The following SAMD3 variants were observed in gnomAD, a reference collection of about 807,000 sequenced individuals.
The protein encoded by SAMD3 is sterile alpha motif domain containing 3, also known as sterile alpha motif domain-containing protein 3.
In SAMD3, 63 loss-of-function variants were observed where a neutral mutation model predicts 58.5. The ratio of observed to expected loss-of-function variants is 1.08; its 90% CI spans 0.88 to 1.33. The LOEUF (loss-of-function observed/expected upper bound fraction) is 1.33. Ranked by LOEUF, SAMD3 falls within the 40% of genes most tolerant of loss-of-function variation. SAMD3 has a pLI of 0.00. For synonymous variants in SAMD3, 220 were observed against 210.3 expected, an observed-to-expected ratio of 1.05 and a Z score of -0.40; for missense variants, 604 against 608.4, an observed-to-expected ratio of 0.99 and a Z score of 0.08.
chr6:130,273,966 T>G (rs1378507783), intron 2 of SAMD3, among the ~76,000 whole-genome samples: 1 of 149,562 alleles, frequency 6.7e-6, no homozygotes, highest in Non-Finnish European at 1.5e-5. Flanking sequence ...GTTTATATAC[T>G]TAACTCTACA....
intron 4 of SAMD3, among the ~76,000 whole-genome samples, chr6:130,210,845 G>C (rs1795480665): frequency 6.6e-6 from 1 of 151,578 alleles, no homozygotes; most frequent in Non-Finnish European, 1.5e-5. Context: ...TATGGGCAAG[G>C]CATGGTAGCT....
At chr6:130,144,240 CA>C (rs757055017), downstream of SAMD3, 4 of 401,554 alleles carry the variant, frequency 1.0e-5, no homozygotes, top group African/African-American at 4.1e-5. Context: ...CAGTGTATTT[CA>C]AAAAAACTGA....
At chr6:130,174,100 T>C (rs1035204493) in intron 8 of SAMD3, among the ~76,000 whole-genome samples, 1 of 152,196 alleles carries the variant, frequency 6.6e-6, no homozygotes, top group African/African-American at 2.4e-5. Context: ...CCGTGGTTCT[T>C]AGCTTGCTGG....
chr6:130,232,365 G>T (rs563224741), intron 2 of SAMD3, among the ~76,000 whole-genome samples: 1 of 152,122 alleles, frequency 6.6e-6, no homozygotes, highest in Non-Finnish European at 1.5e-5. Flanking sequence ...TTCAGTTACC[G>T]TCAGTGTTAA....
chr6:130,244,945 A>T (rs1053079085), intron 2 of SAMD3, among the ~76,000 whole-genome samples: 2 of 152,134 alleles, frequency 1.3e-5, no homozygotes, highest in East Asian at 3.9e-4. Context: ...CTAGGGGAAC[A>T]TTGAAAAGAA....
At chr6:130,185,166 T>A (rs1379217032) in intron 5 of SAMD3, among the ~76,000 whole-genome samples, 2 of 152,110 alleles carry the variant, frequency 1.3e-5, no homozygotes, top group African/African-American at 4.8e-5. Context: ...TCCGATTCTA[T>A]CCAGATGAAA....
chr6:130,235,912 A>G (rs942348656), intron 2 of SAMD3, among the ~76,000 whole-genome samples: 2 of 152,202 alleles, frequency 1.3e-5, no homozygotes, highest in Non-Finnish European at 2.9e-5. Flanking sequence ...CACTATTGTT[A>G]TGTTCACTCT....
chr6:130,195,942 G>A (rs1794063135), intron 5 of SAMD3, among the ~76,000 whole-genome samples: 1 of 152,102 alleles, frequency 6.6e-6, no homozygotes, highest in Non-Finnish European at 1.5e-5. Context: ...AAACCTAGCT[G>A]ACCCCATAGA....
At chr6:130,251,306 AT>A (rs1212372889) in intron 2 of SAMD3, among the ~76,000 whole-genome samples, 1 of 152,144 alleles carries the variant, frequency 6.6e-6, no homozygotes, top group East Asian at 1.9e-4. Context: ...TGTAAGAGTT[AT>A]TTATACATTC....
At chr6:130,164,609 A>G (rs1790560192) in intron 8 of SAMD3, among the ~76,000 whole-genome samples, 1 of 152,014 alleles carries the variant, frequency 6.6e-6, no homozygotes, top group Non-Finnish European at 1.5e-5. Context: ...ACACTGCCGC[A>G]CCTGATAACC....
intron 7 of SAMD3, among the ~76,000 whole-genome samples, chr6:130,180,961 T>TTTTTTTTTTTTTTTTG (rs1792268698): frequency 6.9e-6 from 1 of 143,996 alleles, no homozygotes; most frequent in African/African-American, 2.6e-5. Context: ...TTCTTTTTTC[T>TTTTTTTTTTTTTTTTG]TTTGAGACGG....
intron 2 of SAMD3, among the ~76,000 whole-genome samples, chr6:130,230,461 C>A (rs1315171564): frequency 1.3e-5 from 2 of 152,132 alleles, no homozygotes; most frequent in Non-Finnish European, 2.9e-5. Context: ...AATCTCAGCT[C>A]ACTGAAACCT....
In SAMD3 at chr6:130,175,886, A is replaced by G. The variant is rs2114669367; in HGVS notation, c.777T>C (p.Ser259=). The change falls in exon 8 of 12, where the codon TCT becomes TCC. Residue 259 remains serine (S), a synonymous_variant. Transcript: ENST00000439090. ...FGHRRGQTRK[S]LADIRFDEIK... ...TTTCATCAAATCTTATATCAGCAAG[A>G]GATTTCCTTGTCTGGCCTCTTCGGT... 1.2e-6 allele frequency: 2 copies of G among 1,613,358 alleles called. No homozygotes were observed. The highest frequency in any genetic ancestry group is 1.7e-6 in the Non-Finnish European group (2 of 1,179,474).
At chr6:130,261,338 G>A (rs1220706344) in intron 2 of SAMD3, among the ~76,000 whole-genome samples, 5 of 150,412 alleles carry the variant, frequency 3.3e-5, no homozygotes, top group Non-Finnish European at 1.5e-5. Context: ...TTTGGTTTTG[G>A]TTTTGACTTG....
chr6:130,349,569 C>T (rs577926570), intron 1 of SAMD3, among the ~76,000 whole-genome samples: 4,826 of 152,174 alleles, frequency 0.032, 255 homozygotes, highest in African/African-American at 0.11. Context: ...GAAATTGAGG[C>T]AATAATTAAT....
At chr6:130,279,328 G>C (rs769044673) in intron 2 of SAMD3, among the ~76,000 whole-genome samples, 1 of 151,922 alleles carries the variant, frequency 6.6e-6, no homozygotes, top group Non-Finnish European at 1.5e-5. Flanking sequence ...TCATGACAGT[G>C]AGTGAGTTCT....
intron 8 of SAMD3, among the ~76,000 whole-genome samples, chr6:130,174,256 G>A (rs1375026005): frequency 6.6e-6 from 1 of 152,186 alleles, no homozygotes; most frequent in Non-Finnish European, 1.5e-5. Context: ...CTCAGTGTCT[G>A]CCCAAACAGC....
At chr6:130,263,586 AT>A (rs1431768236) in intron 2 of SAMD3, among the ~76,000 whole-genome samples, 1 of 152,178 alleles carries the variant, frequency 6.6e-6, no homozygotes, top group Non-Finnish European at 1.5e-5. Flanking sequence ...GCTAAGAAAA[AT>A]TTAACTCGTT....
intron 1 of SAMD3, among the ~76,000 whole-genome samples, chr6:130,344,094 T>A (rs1451403885): frequency 6.6e-6 from 1 of 152,228 alleles, no homozygotes; most frequent in Non-Finnish European, 1.5e-5. Context: ...GCTTTTGTTT[T>A]CCTTGTCTTA....
Sources: allele counts gnomAD v4.1 joint callset (sites outside exome capture counted in the v4.1 genomes callset), GRCh38; gene constraint gnomAD v4.1.1; transcripts MANE v1.5; gene names NCBI Gene and HGNC (gene_info 2026-07-23, HGNC 2026-07-21).